Variants in RBBP4 observed in about 807,000 individuals in gnomAD.
RBBP4 encodes histone-binding protein RBBP4.
In RBBP4, 3 loss-of-function variants were observed where a neutral mutation model predicts 57.2. That is an observed-to-expected ratio of 0.05 (90% CI 0.02 to 0.14). The LOEUF (loss-of-function observed/expected upper bound fraction) is 0.14, where lower values mean the gene tolerates loss of function less well. Ranked by LOEUF, RBBP4 falls within the 10% of genes least tolerant of loss-of-function variation. The probability of loss-of-function intolerance (pLI) is 1.00; values close to 1 mark genes in which losing one functional copy is unlikely to be tolerated. For missense variants in RBBP4, 107 were observed against 520.6 expected (o/e 0.21, Z 7.73); for synonymous variants, 151 against 171.5 (o/e 0.88, Z 0.93).
intron 1 of RBBP4, 50 bp downstream of exon 1, chr1:32,651,372 C>T (rs1404621471): frequency 1.4e-6 from 2 of 1,406,226 alleles, no homozygotes; most frequent in Non-Finnish European, 1.9e-6. Context: ...CTGGGCTGAG[C>T]CGCGGCCTCG....
chr1:32,675,404 A>G (rs545727565), intron 11 of RBBP4, among the ~76,000 whole-genome samples: 8 of 152,246 alleles, frequency 5.3e-5, no homozygotes, highest in Admixed American at 2.0e-4. Context: ...AGATTGTACT[A>G]CATCCATACT....
intron 8 of RBBP4, among the ~76,000 whole-genome samples, chr1:32,671,908 C>T (rs1237860691): frequency 6.6e-6 from 1 of 152,014 alleles, no homozygotes; most frequent in Non-Finnish European, 1.5e-5. Context: ...AAAAGTGTGC[C>T]AAAGGGGTGC....
At chr1:32,665,987 C>T (rs1481117901) in intron 3 of RBBP4, among the ~76,000 whole-genome samples, 1 of 152,160 alleles carries the variant, frequency 6.6e-6, no homozygotes, top group East Asian at 1.9e-4. Context: ...GTTATATATA[C>T]TATAATGGTA....
intron 3 of RBBP4, among the ~76,000 whole-genome samples, chr1:32,666,362 A>AT (rs66778777): frequency 0.041 from 5,706 of 139,982 alleles, 218 homozygotes; most frequent in East Asian, 0.12. Context: ...TGAAAACTTT[A>AT]TTTTTTTTTT....
At chr1:32,664,333 A>C (rs144590512) in intron 3 of RBBP4, among the ~76,000 whole-genome samples, 1,551 of 152,212 alleles carry the variant, frequency 0.01, 11 homozygotes, top group Non-Finnish European at 0.015. Context: ...TATCTACTCA[A>C]TACTGAAATA....
At position 32,651,215 on chromosome 1, in the gene RBBP4, A is replaced by G; in HGVS notation, c.-92A>G. 3.4e-6 allele frequency: 5 copies of G among 1,487,010 alleles called. No individual in the cohort carries two copies. In the South Asian group the frequency reaches 3.7e-5, roughly 11 times the overall value. 92.1% of individuals were successfully genotyped at this position (1,487,010 alleles called of 1,614,324 possible). On this transcript the variant is annotated 5_prime_UTR_variant, in exon 1 of 12. Coordinates refer to ENST00000373493, the MANE Select transcript of RBBP4 (RefSeq NM_005610.3). ...CCTCGCGCTGGGGGCGCAGGAAACA[A>G]TAGAGGCCGCGCGCACAGAGCGAGC...
intron 2 of RBBP4, among the ~76,000 whole-genome samples, chr1:32,654,233 G>C (rs1648037235): frequency 6.6e-6 from 1 of 152,060 alleles, no homozygotes; most frequent in African/African-American, 2.4e-5. Context: ...TATTATCCGG[G>C]CATGGTGGTG....
At chr1:32,670,125 G>A (rs1191994743) in intron 8 of RBBP4, among the ~76,000 whole-genome samples, 1 of 152,218 alleles carries the variant, frequency 6.6e-6, no homozygotes, top group East Asian at 1.9e-4. Context: ...AGGAGGCTGA[G>A]ATGGGTGGAT....
chr1:32,656,572 G>A (rs1484806029), intron 2 of RBBP4, among the ~76,000 whole-genome samples: 1 of 152,064 alleles, frequency 6.6e-6, no homozygotes, highest in Non-Finnish European at 1.5e-5. Context: ...GGCTGGTCTC[G>A]AATTCCTGAC....
intron 3 of RBBP4, among the ~76,000 whole-genome samples, chr1:32,664,991 A>C (rs1648582888): frequency 1.3e-5 from 2 of 152,318 alleles, no homozygotes; most frequent in South Asian, 4.1e-4. Context: ...TAATAATAAT[A>C]ATGCAGACAC....
intron 8 of RBBP4, among the ~76,000 whole-genome samples, chr1:32,671,298 A>G (rs1648865001): frequency 6.6e-6 from 1 of 152,156 alleles, no homozygotes; most frequent in Non-Finnish European, 1.5e-5. Flanking sequence ...AATAGACAAG[A>G]TGTAGGCCGG....
intron 3 of RBBP4, among the ~76,000 whole-genome samples, chr1:32,664,542 TC>T (rs1312709486): frequency 6.6e-6 from 1 of 152,054 alleles, no homozygotes; most frequent in Non-Finnish European, 1.5e-5. Context: ...AACCTCTGCC[TC>T]CCGGGTTCAA....
intron 1 of RBBP4, 181 bp from the exon 2 acceptor site, chr1:32,651,733 G>C (rs1204184096): frequency 1.2e-6 from 1 of 829,348 alleles, no homozygotes; most frequent in East Asian, 2.7e-5. Flanking sequence ...AGTGTTTGGC[G>C]GGGATGGCCC....
chr1:32,679,394 A>C (rs1649278840), intron 11 of RBBP4, among the ~76,000 whole-genome samples: 1 of 152,234 alleles, frequency 6.6e-6, no homozygotes, highest in South Asian at 2.1e-4. Flanking sequence ...GGAATGTCCT[A>C]ATCAGGCGTC....
chr1:32,659,943 A>G (rs1362673752), intron 3 of RBBP4, among the ~76,000 whole-genome samples: 1 of 152,206 alleles, frequency 6.6e-6, no homozygotes, highest in African/African-American at 2.4e-5. Context: ...CCGTTTTTTA[A>G]TATAATTGAT....
intron 1 of RBBP4, chr1:32,651,614 C>T: frequency 1.2e-6 from 1 of 863,998 alleles, no homozygotes; most frequent in South Asian, 2.5e-5. Context: ...ACACCGCTTC[C>T]TACCCACAAG....
chr1:32,664,051 C>T (rs1281730215), intron 3 of RBBP4, among the ~76,000 whole-genome samples: 1 of 151,672 alleles, frequency 6.6e-6, no homozygotes, highest in Non-Finnish European at 1.5e-5. Flanking sequence ...CTCAGCCTCC[C>T]AAGTAGCTGG....
intron 3 of RBBP4, among the ~76,000 whole-genome samples, chr1:32,658,449 T>C (rs1648240661): frequency 6.6e-6 from 1 of 151,980 alleles, no homozygotes; most frequent in South Asian, 2.1e-4. Context: ...TGGCACTCTC[T>C]ATGTGTATAG....
In RBBP4 at chr1:32,653,796, C is replaced by T. The variant is rs566876365; in HGVS notation, c.164+1735C>T. ...GCCTCAGCTTCCCAAGTAGCTGGGA[C>T]TACAGGTGCCGGCCACTACCCCTGG... On this transcript the variant is annotated intron_variant, in intron 2 of 11. Coordinates refer to ENST00000373493, the MANE Select transcript of RBBP4 (RefSeq NM_005610.3). 2.6e-5 allele frequency among the ~76,000 whole-genome samples: 4 copies of T among 151,294 alleles called. No homozygotes were observed. The East Asian group carries it at 7.8e-4, about 30-fold the overall frequency.
Sources: gnomAD v4.1 joint callset for allele counts (sites outside exome capture counted in the v4.1 genomes callset) on GRCh38, gnomAD v4.1.1 for gene constraint, MANE v1.5 for transcripts, NCBI Gene and HGNC (gene_info 2026-07-23, HGNC 2026-07-21) for gene names.